TTN: variants seen among roughly 807,000 people sequenced by gnomAD.
The protein encoded by TTN is connectin.
In TTN, 1,525 loss-of-function variants were observed where a neutral mutation model predicts 3,223.0. The observed-to-expected ratio is 0.47, with a 90% CI of 0.45 to 0.49. The LOEUF (loss-of-function observed/expected upper bound fraction) is 0.49, where lower values mean the gene tolerates loss of function less well. Among genes scored for constraint, TTN ranks in the 20% least tolerant of loss-of-function variants. The pLI, the probability that TTN is intolerant of heterozygous loss-of-function variation, is 0.00. For synonymous variants in TTN, 14,094 were observed against 15,161.0 expected (o/e 0.93, Z 5.17); for missense variants, 40,786 against 43,424.0 (o/e 0.94, Z 5.40).
chr2:178,608,512 A>G (rs1230651044), intron 274 of TTN, 35 bp from the exon 275 acceptor site: 1 of 1,560,940 alleles, frequency 6.4e-7, no homozygotes, highest in Non-Finnish European at 8.6e-7. Context: ...TAAATTTCCC[A>G]GTATGACATA....
Position 178,607,771 on chromosome 2 carries a change from A to G in TTN, c.53002+14T>C. The G allele has an allele frequency of 2.5e-6, 4 of 1,612,534 alleles. No homozygotes were observed. The highest frequency in any genetic ancestry group is 3.4e-6 in the Non-Finnish European group (4 of 1,179,220). On this transcript the variant is annotated intron_variant, in intron 276 of 362. Transcript: ENST00000589042. ...AGAAAATATCCATAATTTTATTCCAATAACGTTAAGTACCTTGTGGTTCAG... is the reference window on the plus strand; with the variant it reads ...AGAAAATATCCATAATTTTATTCCAGTAACGTTAAGTACCTTGTGGTTCAG...
chr2:178,677,219 G>T lies in TTN; in HGVS notation c.34360C>A (p.Pro11454Thr), dbSNP rs928758827. Residue 11454 changes from proline (P) to threonine (T), a missense_variant, in exon 147 of 363, where the codon CCT (proline) becomes ACT (threonine). Physicochemically the swap from Pro to Thr is conservative, Grantham distance 38 (BLOSUM62 -1). Transcript: ENST00000589042. ...VPVPAPKKVE[P>T]PPPPKVPEIK... ...GGTGTACCTTTGGGTGGTGGTGGAG[G>T]TTCCACTTTTTTAGGGGCGGGAACA... 15 of 1,223,944 alleles carry T rather than the reference G, an allele frequency of 1.2e-5. No individual in the cohort carries two copies. The highest frequency in any genetic ancestry group is 9.4e-5 in the African/African-American group (6 of 63,516). The allele number at this position is 1,223,944 out of a possible 1,614,324, so 75.8% of individuals were successfully genotyped here. A position where few individuals can be genotyped will look rare whatever the true frequency, so the allele number is the denominator to read the frequency against.
Position 178,526,713 on chromosome 2 carries a change from C to G in TTN, c.*299G>C, listed in dbSNP as rs1281855679. The G allele has an allele frequency of 4.4e-6, 1 of 228,500 alleles. No individual in the cohort carries two copies. Among genetic ancestry groups the G allele is most frequent in the Non-Finnish European group, 8.5e-6 (1 of 117,318 alleles). 14.2% of individuals were successfully genotyped at this position (228,500 alleles called of 1,614,324 possible). A position where few individuals can be genotyped will look rare whatever the true frequency, so the allele number is the denominator to read the frequency against. ...GGGTATTCGTTCCATAAGAAACTTT[C>G]TCCTACCAACAGTTAGTTTCAAAAC... On this transcript the variant is annotated 3_prime_UTR_variant, in exon 363 of 363. Transcript: ENST00000589042.
At chr2:178,704,817 C>G in intron 104 of TTN, 40 bp from the exon 105 acceptor site, 1 of 1,607,680 alleles carries the variant, frequency 6.2e-7, no homozygotes, top group Non-Finnish European at 8.5e-7. Context: ...GTTACTCCTT[C>G]CCTTATAATA....
Position 178,610,396 on chromosome 2 carries a change from C to A in TTN, c.51137-7G>T, listed in dbSNP as rs762783803. On this transcript the variant is annotated splice_region_variant and splice_polypyrimidine_tract_variant and intron_variant, in intron 270 of 362. Coordinates refer to ENST00000589042, the MANE Select transcript of TTN (RefSeq NM_001267550.2). ...TTGCATGGTCCAGGTAGGCCTATTA[C>A]AAAAATGGATAATTATTCTAGTAAT... The A allele has an allele frequency of 6.2e-7, 1 of 1,603,394 alleles. No homozygotes were observed. Among genetic ancestry groups the A allele is most frequent in the Admixed American group, 1.8e-5 (1 of 57,090 alleles).
In TTN at chr2:178,723,633, A is replaced by T; in HGVS notation, c.21467T>A (p.Phe7156Tyr). Residue 7156 changes from phenylalanine (F) to tyrosine (Y), a missense_variant, in exon 74 of 363, where the codon TTC becomes TAC. Coordinates refer to ENST00000589042, the MANE Select transcript of TTN (RefSeq NM_001267550.2). ...LEVLPGKNVT[F>Y]TSVIRGTPPF... The stretch of plus-strand genomic sequence containing the variant: ...AGGGGTTCCTCTAATAACGCTTGTG[A>T]AGGTTACATTTTTGCCTGGTAGTAC... 6.2e-7 allele frequency: 1 copy of T among 1,611,562 alleles called. No homozygotes were observed. Among genetic ancestry groups the T allele is most frequent in the South Asian group, 1.1e-5 (1 of 90,564 alleles).
At position 178,647,040 on chromosome 2, in the gene TTN, G is replaced by GTATATATA. The variant is rs10580462; in HGVS notation, c.40222+16_40222+23dup. ...GGAATCTTCAGGAGATTAAAAAAAT[G>GTATATATA]TATATATATATATATATATATACCT... On this transcript the variant is annotated intron_variant, in intron 215 of 362. Coordinates refer to ENST00000589042, the MANE Select transcript of TTN (RefSeq NM_001267550.2). 6.9e-3 allele frequency: 5,010 copies of GTATATATA among 730,910 alleles called. 47 individuals are homozygous for GTATATATA. Among genetic ancestry groups the GTATATATA allele is most frequent in the East Asian group, 0.029 (699 of 24,124 alleles). The allele number at this position is 730,910 out of a possible 1,614,324, so 45.3% of individuals were successfully genotyped here. A position where few individuals can be genotyped will look rare whatever the true frequency, so the allele number is the denominator to read the frequency against.
In TTN at chr2:178,793,507, T is replaced by G; in HGVS notation, c.1433A>C (p.Lys478Thr). 1 of 1,614,128 alleles carries G rather than the reference T, an allele frequency of 6.2e-7. No individual in the cohort carries two copies. The highest frequency in any genetic ancestry group is 8.5e-7 in the Non-Finnish European group (1 of 1,180,030). The change falls in exon 9 of 363, where the codon AAG becomes ACG. Residue 478 changes from lysine to threonine, a missense_variant. Physicochemically the swap from Lys to Thr is moderately conservative, Grantham distance 78. Transcript: ENST00000589042. ...RKEAEKTAVTKVVVAADKAKE... is the reference protein window; with the variant it reads ...RKEAEKTAVTTVVVAADKAKE... Reference sequence around the variant, plus strand: ...GGCTTTATCGGCGGCCACTACTACCTTAGTTACAGCAGTCTTCTCCGCTTC... The same window carrying G: ...GGCTTTATCGGCGGCCACTACTACCGTAGTTACAGCAGTCTTCTCCGCTTC...
intron 47 of TTN, chr2:178,748,118 C>G (rs764591972): frequency 6.2e-7 from 1 of 1,613,206 alleles, no homozygotes; most frequent in Admixed American, 1.7e-5. Flanking sequence ...TGAGATGGAA[C>G]TTCTGCCTCC....
At position 178,645,977 on chromosome 2, in the gene TTN, G is replaced by T; in HGVS notation, c.40351C>A (p.Pro13451Thr). Reference protein sequence around the residue: ...EKPKLKPRPPPPPPAPPKEDV... With the variant: ...EKPKLKPRPPTPPPAPPKEDV... ...TCCTTAGGTGGAGCAGGTGGAGGAG[G>T]TGGGGGTCTTGGTTTGAGTTTTGGC... Residue 13451 changes from proline (P) to threonine (T), a missense_variant, in exon 217 of 363, where the codon CCT (proline) becomes ACT (threonine). Transcript: ENST00000589042. The T allele has an allele frequency of 6.3e-7, 1 of 1,586,238 alleles. No homozygotes were observed. The highest frequency in any genetic ancestry group is 8.6e-7 in the Non-Finnish European group (1 of 1,169,194).
At position 178,528,914 on chromosome 2, in the gene TTN, A is replaced by C. The variant is rs374405802; in HGVS notation, c.106837T>G (p.Ser35613Ala). The C allele has an allele frequency of 3.1e-5, 50 of 1,613,934 alleles. No individual in the cohort carries two copies. The highest frequency in any genetic ancestry group is 4.1e-5 in the Non-Finnish European group (48 of 1,179,896). ...CCTTCGTTTATGCTCATCTGAGTAG[A>C]AAATGCTTTAATCTCAGCATGAGTT... ...VRTHAEIKAF[S>A]TQMSINEGQR... is the part of the protein sequence containing the mutation. The change falls in exon 360 of 363, where the codon TCT becomes GCT. Residue 35613 changes from serine to alanine, a missense_variant. Ser to Ala is a moderately conservative substitution (Grantham distance 99). Transcript: ENST00000589042.
In TTN at chr2:178,717,154, G is replaced by A. The variant is rs1560626573; in HGVS notation, c.25580C>T (p.Thr8527Ile). 2.5e-6 allele frequency: 4 copies of A among 1,613,584 alleles called. No individual in the cohort carries two copies. Among genetic ancestry groups the A allele is most frequent in the Non-Finnish European group, 3.4e-6 (4 of 1,179,630 alleles). ...TCCAGCGATGTTGCTTGCATAGCAG[G>A]TGTACTGCCCGGCATCGCCTTTGCC... is the stretch of plus-strand genomic sequence containing the variant. ...KVGKGDAGQY[T>I]CYASNIAGKD... is the part of the protein sequence containing the mutation. Residue 8527 changes from threonine (T) to isoleucine (I), a missense_variant, in exon 88 of 363, where the codon ACC (threonine) becomes ATC (isoleucine). By Grantham distance (89) the Thr-to-Ile change is moderately conservative. Coordinates refer to ENST00000589042, the MANE Select transcript of TTN (RefSeq NM_001267550.2).
chr2:178,598,420 A>G (rs1174552972), intron 292 of TTN, 86 bp downstream of exon 292: 7 of 1,478,274 alleles, frequency 4.7e-6, no homozygotes, highest in Non-Finnish European at 6.4e-6. Context: ...TCCAAAAAGT[A>G]TAGACAGAAG....
In TTN at chr2:178,718,792, C is replaced by T. The variant is rs772737238; in HGVS notation, c.24408G>A (p.Glu8136=). Residue 8136 remains glutamate, a synonymous_variant, in exon 84 of 363, where the codon GAG becomes GAA. Transcript: ENST00000589042. ...ISLEDFVTEL[E]LFEVQPLESG... ...TTTCTAATGGCTGCACCTCAAACAA[C>T]TCCAGTTCTGTGACAAAATCTTCCA... 6.2e-7 allele frequency: 1 copy of T among 1,613,790 alleles called. No individual in the cohort carries two copies. Among genetic ancestry groups the T allele is most frequent in the Non-Finnish European group, 8.5e-7 (1 of 1,179,756 alleles).
At position 178,734,796 on chromosome 2, in the gene TTN, T is replaced by A; in HGVS notation, c.15128A>T (p.Asp5043Val). 1 of 1,613,870 alleles carries A rather than the reference T, an allele frequency of 6.2e-7. No individual in the cohort carries two copies. The highest frequency in any genetic ancestry group is 8.5e-7 in the Non-Finnish European group (1 of 1,179,780). The change falls in exon 51 of 363, where the codon GAT becomes GTT. Residue 5043 changes from aspartate (D) to valine (V), a missense_variant. By Grantham distance (152) the Asp-to-Val change is radical (BLOSUM62 -3). Transcript: ENST00000589042. Reference sequence around the variant, plus strand: ...ACTCCCACTGTCTTCAACTTTTACATCCGTAATATCAAGTATAGCCTCAGA... The same window carrying A: ...ACTCCCACTGTCTTCAACTTTTACAACCGTAATATCAAGTATAGCCTCAGA... ...VNSEAILDIT[D>V]VKVEDSGSYS...
chr2:178,527,550 A>G lies in TTN; in HGVS notation c.107576T>C (p.Met35859Thr), dbSNP rs72629793. ...ACTCATTTCTACAAAGGACTCTTGC[A>G]TGGAGGACATGCTTTGGGCAGACAT... ...ASMSAQSMSS[M>T]QESFVEMSSS... The change falls in exon 362 of 363, where the codon ATG becomes ACG. Residue 35859 changes from methionine (M) to threonine (T), a missense_variant. Transcript: ENST00000589042. 1.3e-3 allele frequency: 2,061 copies of G among 1,614,036 alleles called. 18 individuals carry two copies. Among genetic ancestry groups the G allele is most frequent in the South Asian group, 0.01 (912 of 91,080 alleles).
intron 117 of TTN, among the ~76,000 whole-genome samples, chr2:178,694,218 T>G (rs774867541): frequency 6.6e-6 from 1 of 152,094 alleles, no homozygotes; most frequent in Non-Finnish European, 1.5e-5. Context: ...CATTCTTAAA[T>G]GAGAATCAAA....
chr2:178,606,611 G>A (rs1055927125), intron 278 of TTN, among the ~76,000 whole-genome samples: 1 of 151,912 alleles, frequency 6.6e-6, no homozygotes, highest in African/African-American at 2.4e-5. Flanking sequence ...TTTGAATATA[G>A]AGGAAGACTA....
rs1554007001 is a variant in TTN, at chr2:178,776,350, CT to C, written c.5513del (p.Lys1838SerfsTer27). ...LTGVTTDQKE[K>X]QKPDIVLYPE... ...GGTACAAGACAATGTCTGGCTTTTG[CT>C]TTTCTTTCTGATCTGTTGTTACACC... On this transcript the variant is annotated frameshift_variant, in exon 28 of 363. Transcript: ENST00000589042. LOFTEE classifies it high-confidence loss of function. 6.2e-7 allele frequency: 1 copy of C among 1,613,692 alleles called. No homozygotes were observed. The highest frequency in any genetic ancestry group is 8.5e-7 in the Non-Finnish European group (1 of 1,179,998).
Sources: gnomAD v4.1 joint callset for allele counts (sites outside exome capture counted in the v4.1 genomes callset) on GRCh38, gnomAD v4.1.1 for gene constraint, MANE v1.5 for transcripts, NCBI Gene and HGNC (gene_info 2026-07-23, HGNC 2026-07-21) for gene names.